The following PRELID2 variants were observed in gnomAD, a reference collection of about 807,000 sequenced individuals.
PRELID2 encodes the protein PRELI domain containing 2.
Under a neutral mutation model 28.4 loss-of-function variants are expected in PRELID2, and 25 were observed. The observed-to-expected ratio is 0.88, with a 90% confidence interval of 0.64 to 1.23. The LOEUF (loss-of-function observed/expected upper bound fraction) is 1.23. PRELID2 is among the 50% of genes most tolerant of loss of function. The probability of loss-of-function intolerance (pLI) is 0.00; values close to 1 mark genes in which losing one functional copy is unlikely to be tolerated. For missense variants in PRELID2, 201 were observed against 214.4 expected, an observed-to-expected ratio of 0.94 and a Z score of 0.39; for synonymous variants, 76 against 71.6, an observed-to-expected ratio of 1.06 and a Z score of -0.31.
chr5:145,500,999 C>A (rs1203613807), intron 1 of PRELID2, among the ~76,000 whole-genome samples: 2 of 152,134 alleles, frequency 1.3e-5, no homozygotes, highest in African/African-American at 4.8e-5. Flanking sequence ...CTGGAAGCTG[C>A]AGTGCAAAGT....
chr5:145,481,390 AT>A (rs1203155593), intron 1 of PRELID2, among the ~76,000 whole-genome samples: 1 of 151,986 alleles, frequency 6.6e-6, no homozygotes. Context: ...TGTCCTCAGA[AT>A]TGAACACAGA....
intron 1 of PRELID2, among the ~76,000 whole-genome samples, chr5:145,696,007 G>A (rs1328668706): frequency 6.6e-6 from 1 of 151,952 alleles, no homozygotes; most frequent in East Asian, 1.9e-4. Flanking sequence ...TAATCTTCAA[G>A]CTTATATGTA....
At chr5:145,543,329 C>A (rs753276696) in intron 1 of PRELID2, among the ~76,000 whole-genome samples, 3 of 152,056 alleles carry the variant, frequency 2.0e-5, no homozygotes, top group Non-Finnish European at 2.9e-5. Context: ...ACAGCAAAGG[C>A]ATTTATTTTA....
At chr5:145,244,398 C>A in the PRELID2 span, among the ~76,000 whole-genome samples, 2 of 152,020 alleles carry the variant, frequency 1.3e-5, no homozygotes, top group East Asian at 3.9e-4. Flanking sequence ...AAGTGCCTGG[C>A]GGGTGGCAGG....
At chr5:145,561,992 T>C (rs1752929160) in intron 1 of PRELID2, among the ~76,000 whole-genome samples, 1 of 136,118 alleles carries the variant, frequency 7.3e-6, no homozygotes, top group African/African-American at 3.6e-5. Flanking sequence ...TGTTCTGGAA[T>C]TAAGATAGTG....
intron 1 of PRELID2, among the ~76,000 whole-genome samples, chr5:145,536,875 G>A (rs1196191817): frequency 6.6e-6 from 1 of 151,786 alleles, no homozygotes; most frequent in Non-Finnish European, 1.5e-5. Flanking sequence ...GCATGGAGGG[G>A]TCCTGAGCAC....
chr5:145,296,096 A>G, the PRELID2 span, among the ~76,000 whole-genome samples: 1 of 152,040 alleles, frequency 6.6e-6, no homozygotes, highest in African/African-American at 2.4e-5. Flanking sequence ...TTTAAAACCT[A>G]TATGCTATGG....
At chr5:145,747,353 G>A (rs554840652) in intron 1 of PRELID2, among the ~76,000 whole-genome samples, 1 of 151,894 alleles carries the variant, frequency 6.6e-6, no homozygotes, top group African/African-American at 2.4e-5. Context: ...TATCACCACT[G>A]ACACCACAGA....
chr5:145,370,149 G>A, the PRELID2 span, among the ~76,000 whole-genome samples: 1 of 151,788 alleles, frequency 6.6e-6, no homozygotes, highest in Non-Finnish European at 1.5e-5. Context: ...TCAATTTTGG[G>A]TTTTGTTGCA....
chr5:145,242,357 C>T, the PRELID2 span, among the ~76,000 whole-genome samples: 3 of 151,948 alleles, frequency 2.0e-5, no homozygotes, highest in African/African-American at 7.2e-5. Flanking sequence ...TCAAATGAAT[C>T]TTTCTAAATA....
At chr5:145,704,674 G>T (rs544853619) in intron 1 of PRELID2, among the ~76,000 whole-genome samples, 1 of 152,206 alleles carries the variant, frequency 6.6e-6, no homozygotes, top group Admixed American at 6.5e-5. Context: ...TTCCGCAGGA[G>T]CCATTTTTGA....
intron 5 of PRELID2, among the ~76,000 whole-genome samples, chr5:145,771,693 T>C (rs1398429157): frequency 6.6e-6 from 1 of 151,888 alleles, no homozygotes. Context: ...CCATCTCTAC[T>C]AAAACTACAA....
chr5:145,531,166 A>G (rs778910385), intron 1 of PRELID2, among the ~76,000 whole-genome samples: 1 of 152,178 alleles, frequency 6.6e-6, no homozygotes, highest in Non-Finnish European at 1.5e-5. Flanking sequence ...CTCCATGGCA[A>G]TAATACAATA....
In PRELID2 at chr5:145,530,120, C is replaced by T. The variant is rs188397777; in HGVS notation, n.71-56805G>A. On this transcript the variant is annotated intron_variant and non_coding_transcript_variant, in intron 1 of 2. Coordinates refer to the PRELID2 transcript ENST00000510259. ...TTTCAGGTGAGAAAGCCGGGGCTTGCCGCAGATCATACAGCAAGTGAGTAA... is the reference window on the plus strand; with the variant it reads ...TTTCAGGTGAGAAAGCCGGGGCTTGTCGCAGATCATACAGCAAGTGAGTAA... Among the ~76,000 whole-genome samples, 601 of 152,182 alleles carry T rather than the reference C, an allele frequency of 3.9e-3. 2 individuals are homozygous for T. The highest frequency in any genetic ancestry group is 5.9e-3 in the Non-Finnish European group (402 of 67,998).
chr5:145,612,196 TAAAC>T (rs550907918), intron 1 of PRELID2, among the ~76,000 whole-genome samples: 296 of 152,154 alleles, frequency 1.9e-3, no homozygotes, highest in African/African-American at 6.7e-3. Flanking sequence ...TTCCAAAAAA[TAAAC>T]AAAGATAAAA....
At chr5:145,459,765 A>G in the PRELID2 span, among the ~76,000 whole-genome samples, 1 of 152,032 alleles carries the variant, frequency 6.6e-6, no homozygotes, top group Non-Finnish European at 1.5e-5. Context: ...TATTATCTAT[A>G]GTTTCCTAAA....
intron 1 of PRELID2, among the ~76,000 whole-genome samples, chr5:145,642,164 T>C (rs1754118142): frequency 6.6e-6 from 1 of 150,656 alleles, no homozygotes; most frequent in Non-Finnish European, 1.5e-5. Flanking sequence ...CTCCACATCC[T>C]CTCTAGCACC....
In PRELID2 at chr5:145,823,061, T is replaced by C; in HGVS notation, c.133+16A>G. ...ATTTAATGATCATTACTGAAAAAAC[T>C]GTACAGAGAACTTACCTCTTTTTTC... On this transcript the variant is annotated intron_variant, in intron 2 of 6. Transcript: ENST00000683046. 1 of 1,359,102 alleles carries C rather than the reference T, an allele frequency of 7.4e-7. No individual in the cohort carries two copies. The highest frequency in any genetic ancestry group is 1.2e-5 in the South Asian group (1 of 85,624). The allele number at this position is 1,359,102 out of a possible 1,614,324, so 84.2% of individuals were successfully genotyped here.
the PRELID2 span, among the ~76,000 whole-genome samples, chr5:145,299,786 G>GTGA: frequency 6.6e-6 from 1 of 151,900 alleles, no homozygotes; most frequent in Non-Finnish European, 1.5e-5. Flanking sequence ...TGGTGATATG[G>GTGA]TGATAATTTC....
Sources: allele counts gnomAD v4.1 joint callset (sites outside exome capture counted in the v4.1 genomes callset), GRCh38; gene constraint gnomAD v4.1.1; transcripts MANE v1.5; gene names NCBI Gene and HGNC (gene_info 2026-07-23, HGNC 2026-07-21).